Variants in ZNF385D observed in about 807,000 individuals in gnomAD.
ZNF385D encodes zinc finger protein 385D.
In ZNF385D, 15 loss-of-function variants were observed where a neutral mutation model predicts 35.8. The ratio of observed to expected loss-of-function variants is 0.42; its 90% confidence interval spans 0.28 to 0.64. The LOEUF (loss-of-function observed/expected upper bound fraction) is 0.64, where lower values mean the gene tolerates loss of function less well. Ranked by LOEUF, ZNF385D falls within the 30% of genes least tolerant of loss-of-function variation. ZNF385D has a pLI of 0.23. For missense variants in ZNF385D, 474 were observed against 494.6 expected, an observed-to-expected ratio of 0.96 and a Z score of 0.39; for synonymous variants, 212 against 186.8, an observed-to-expected ratio of 1.13 and a Z score of -1.10.
intron 1 of ZNF385D, among the ~76,000 whole-genome samples, chr3:21,742,471 C>T (rs538627903): frequency 6.6e-6 from 1 of 152,338 alleles, no homozygotes; most frequent in East Asian, 1.9e-4. Context: ...GTCCTGAGAT[C>T]TATTCTTGCT....
intron 3 of ZNF385D, among the ~76,000 whole-genome samples, chr3:21,945,650 G>A (rs78929063): frequency 0.033 from 5,071 of 152,156 alleles, 97 homozygotes; most frequent in South Asian, 0.079. Context: ...AACTTATTTC[G>A]TTGCTTTTAT....
chr3:22,152,465 G>A, intron 3 of ZNF385D, among the ~76,000 whole-genome samples: 1 of 152,108 alleles, frequency 6.6e-6, no homozygotes, highest in Non-Finnish European at 1.5e-5. Context: ...ATTCTATGGG[G>A]TGAAATCAAG....
intron 3 of ZNF385D, among the ~76,000 whole-genome samples, chr3:21,953,127 CA>C (rs1351161238): frequency 6.6e-6 from 1 of 151,912 alleles, no homozygotes; most frequent in Non-Finnish European, 1.5e-5. Flanking sequence ...CTCTGCTGGC[CA>C]GATTTTCCTC....
At chr3:22,120,889 A>T (rs896323869) in intron 3 of ZNF385D, among the ~76,000 whole-genome samples, 7 of 152,176 alleles carry the variant, frequency 4.6e-5, no homozygotes, top group African/African-American at 1.4e-4. Flanking sequence ...AATGACTTTT[A>T]ATGGCAGAAG....
intron 1 of ZNF385D, among the ~76,000 whole-genome samples, chr3:21,687,574 C>T (rs918046567): frequency 6.6e-6 from 1 of 152,098 alleles, no homozygotes; most frequent in Admixed American, 6.6e-5. Flanking sequence ...ATCAACACAT[C>T]ATTATTGTCC....
At chr3:21,793,888 T>A (rs2072032719) in intron 3 of ZNF385D, among the ~76,000 whole-genome samples, 1 of 151,588 alleles carries the variant, frequency 6.6e-6, no homozygotes, top group South Asian at 2.1e-4. Flanking sequence ...TTCTAGACCT[T>A]CTCTTCTTCT....
intron 3 of ZNF385D, among the ~76,000 whole-genome samples, chr3:21,956,855 C>G (rs535964517): frequency 6.6e-6 from 1 of 151,878 alleles, no homozygotes; most frequent in South Asian, 2.1e-4. Flanking sequence ...GATCCACAGT[C>G]TCTCTCCATC....
At chr3:21,922,177 G>A (rs1338523251) in intron 3 of ZNF385D, among the ~76,000 whole-genome samples, 2 of 152,086 alleles carry the variant, frequency 1.3e-5, no homozygotes, top group African/African-American at 4.8e-5. Flanking sequence ...CTCATGAACT[G>A]GAAGAATCAA....
chr3:21,993,235 G>A (rs1432819859), intron 3 of ZNF385D, among the ~76,000 whole-genome samples: 1 of 152,034 alleles, frequency 6.6e-6, no homozygotes, highest in Non-Finnish European at 1.5e-5. Flanking sequence ...GCAAATTTTG[G>A]TTTTCCCTTA....
In ZNF385D at chr3:21,509,978, T is replaced by C. The variant is rs1274761968; in HGVS notation, c.439+883A>G. On this transcript the variant is annotated intron_variant, in intron 4 of 7. Coordinates refer to ENST00000281523, the MANE Select transcript of ZNF385D (RefSeq NM_024697.3). ...GTTTATTTTCTGTTTTCATCAGTCA[T>C]ATCCAGAAGATCCTCTTTCAGTTAA... Among the ~76,000 whole-genome samples, 3 of 152,224 alleles carry C rather than the reference T, an allele frequency of 2.0e-5. No individual in the cohort carries two copies. The East Asian group carries it at 5.8e-4, about 29-fold the overall frequency.
chr3:22,089,052 A>C (rs1701187673), intron 3 of ZNF385D, among the ~76,000 whole-genome samples: 1 of 152,180 alleles, frequency 6.6e-6, no homozygotes, highest in Admixed American at 6.5e-5. Context: ...CATAAGAAAA[A>C]TCAAATAAGC....
intron 3 of ZNF385D, among the ~76,000 whole-genome samples, chr3:21,982,442 T>C (rs1694524528): frequency 6.6e-6 from 1 of 152,134 alleles, no homozygotes; most frequent in Admixed American, 6.6e-5. Context: ...TTGTATCCTC[T>C]AACTTTGCTG....
At chr3:21,500,042 T>C (rs1466810296) in intron 4 of ZNF385D, among the ~76,000 whole-genome samples, 4 of 152,194 alleles carry the variant, frequency 2.6e-5, no homozygotes, top group Non-Finnish European at 5.9e-5. Context: ...GCTCACTAAT[T>C]TAGTGATGAA....
intron 2 of ZNF385D, among the ~76,000 whole-genome samples, chr3:21,578,633 A>G (rs897915173): frequency 6.6e-6 from 1 of 152,140 alleles, no homozygotes; most frequent in Non-Finnish European, 1.5e-5. Flanking sequence ...GTCAAAAATT[A>G]GTTGGCTATA....
At chr3:21,941,202 A>AT (rs918064578) in intron 3 of ZNF385D, among the ~76,000 whole-genome samples, 1 of 152,014 alleles carries the variant, frequency 6.6e-6, no homozygotes, top group African/African-American at 2.4e-5. Flanking sequence ...CAAAGCTTTG[A>AT]TTTTTCTTAG....
intron 2 of ZNF385D, among the ~76,000 whole-genome samples, chr3:22,204,230 T>C (rs753532555): frequency 2.0e-5 from 3 of 152,074 alleles, no homozygotes; most frequent in Non-Finnish European, 2.9e-5. Flanking sequence ...TTCTGGATCT[T>C]ATCCAAGATC....
At chr3:21,845,122 G>C (rs1220059419) in intron 3 of ZNF385D, among the ~76,000 whole-genome samples, 1 of 151,928 alleles carries the variant, frequency 6.6e-6, no homozygotes, top group African/African-American at 2.4e-5. Flanking sequence ...TAAAATGTCA[G>C]AATTATGGTT....
intron 3 of ZNF385D, among the ~76,000 whole-genome samples, chr3:22,058,029 T>C (rs1273069538): frequency 6.6e-6 from 1 of 152,164 alleles, no homozygotes; most frequent in Non-Finnish European, 1.5e-5. Flanking sequence ...AATGAATACA[T>C]CACAACCAAA....
chr3:21,607,929 C>T (rs1471913918), intron 2 of ZNF385D, among the ~76,000 whole-genome samples: 6 of 151,792 alleles, frequency 4.0e-5, no homozygotes, highest in East Asian at 1.9e-4. Context: ...TTATTCTTCC[C>T]GTAATTTATA....
Sources: gnomAD v4.1 joint callset for allele counts (sites outside exome capture counted in the v4.1 genomes callset) on GRCh38, gnomAD v4.1.1 for gene constraint, MANE v1.5 for transcripts, NCBI Gene and HGNC (gene_info 2026-07-23, HGNC 2026-07-21) for gene names.